Variants in ADGRL3 observed in about 807,000 individuals in gnomAD.
The protein encoded by ADGRL3 is adhesion G protein-coupled receptor L3.
ADGRL3 carries 62 observed loss-of-function variants against 153.5 expected under a neutral mutation model. The observed-to-expected ratio is 0.40, with a 90% CI of 0.33 to 0.50. The LOEUF is 0.50. Ranked by LOEUF, ADGRL3 falls within the 20% of genes least tolerant of loss-of-function variation. ADGRL3 has a pLI of 0.47. For synonymous variants in ADGRL3, 710 were observed against 672.5 expected (o/e 1.06, Z -0.86); for missense variants, 1,641 against 1,859.4 (o/e 0.88, Z 2.16).
chr4:61,431,088 A>G (rs2097350610), intron 2 of ADGRL3, among the ~76,000 whole-genome samples: 1 of 152,142 alleles, frequency 6.6e-6, no homozygotes, highest in Non-Finnish European at 1.5e-5. Flanking sequence ...GCTTCCTTTA[A>G]TTTTAAATTT....
chr4:61,772,026 G>A (rs545727586), intron 8 of ADGRL3, among the ~76,000 whole-genome samples: 11 of 152,272 alleles, frequency 7.2e-5, no homozygotes, highest in African/African-American at 2.4e-4. Flanking sequence ...ATGCAGGCCT[G>A]ACAGTCTGTG....
chr4:61,528,069 C>T (rs935903087), intron 4 of ADGRL3, among the ~76,000 whole-genome samples: 2 of 152,154 alleles, frequency 1.3e-5, no homozygotes, highest in Non-Finnish European at 2.9e-5. Context: ...GCTTGGTCCA[C>T]AATGCCGGCT....
chr4:61,756,803 T>A (rs2096837814), intron 8 of ADGRL3, among the ~76,000 whole-genome samples: 1 of 152,182 alleles, frequency 6.6e-6, no homozygotes, highest in African/African-American at 2.4e-5. Context: ...CATCAATACC[T>A]AATTTATTGA....
intron 8 of ADGRL3, among the ~76,000 whole-genome samples, chr4:61,763,706 G>T (rs2096939864): frequency 1.3e-5 from 2 of 151,974 alleles, no homozygotes; most frequent in African/African-American, 2.4e-5. Flanking sequence ...TTTCAGTATT[G>T]TATTCTATTT....
chr4:61,212,185 A>AC (rs1380998520), intron 1 of ADGRL3: 4 of 152,250 alleles, frequency 2.6e-5, no homozygotes, highest in African/African-American at 4.8e-5. Flanking sequence ...AAGAAAAAAA[A>AC]CTTATGGCAT....
At chr4:61,351,420 G>A (rs1370125657) in intron 1 of ADGRL3, among the ~76,000 whole-genome samples, 2 of 152,124 alleles carry the variant, frequency 1.3e-5, no homozygotes, top group African/African-American at 4.8e-5. Context: ...TGATGAAGGT[G>A]GCTACACAAA....
chr4:61,355,791 T>A (rs560125070), intron 1 of ADGRL3, among the ~76,000 whole-genome samples: 1 of 152,154 alleles, frequency 6.6e-6, no homozygotes, highest in African/African-American at 2.4e-5. Flanking sequence ...ATAAAAGAAA[T>A]GGCAGTTTTT....
rs1195078631 is a variant in ADGRL3, at chr4:61,431,843, CCTCT to C, written c.-174+48657_-174+48660del. On this transcript the variant is annotated intron_variant, in intron 2 of 26. Transcript: ENST00000683033. ...ACATGTAATAATAGTCATAATACTT[CCTCT>C]CTAAGTAACCTTAGATAAGTTAATG... Among the ~76,000 whole-genome samples, 16 of 152,272 alleles carry C rather than the reference CCTCT, an allele frequency of 1.1e-4. No homozygotes were observed. The East Asian group carries it at 2.5e-3, about 24-fold the overall frequency.
intron 7 of ADGRL3, among the ~76,000 whole-genome samples, chr4:61,731,488 G>T (rs1440887318): frequency 3.3e-5 from 5 of 152,004 alleles, no homozygotes; most frequent in Non-Finnish European, 7.4e-5. Context: ...ACAGTAGACT[G>T]CATGATTATT....
intron 8 of ADGRL3, among the ~76,000 whole-genome samples, chr4:61,812,479 A>T (rs1481877367): frequency 1.3e-5 from 2 of 152,212 alleles, no homozygotes; most frequent in African/African-American, 4.8e-5. Flanking sequence ...TGTATCATTA[A>T]CTTTCCTTGT....
At chr4:61,480,836 C>A (rs1040701873) in intron 2 of ADGRL3, among the ~76,000 whole-genome samples, 1 of 151,600 alleles carries the variant, frequency 6.6e-6, no homozygotes, top group Non-Finnish European at 1.5e-5. Context: ...GAGCAAAGGA[C>A]CTAAGTAGAT....
At chr4:61,800,268 A>G (rs1022035358) in intron 8 of ADGRL3, among the ~76,000 whole-genome samples, 35 of 152,226 alleles carry the variant, frequency 2.3e-4, no homozygotes, top group African/African-American at 8.4e-4. Flanking sequence ...ATATACAAAC[A>G]TAGCTATGAA....
In ADGRL3 at chr4:62,008,188, A is replaced by G. The variant is rs571679375; in HGVS notation, c.3395+9923A>G. Among the ~76,000 whole-genome samples the G allele has an allele frequency of 1.4e-4, 21 of 152,238 alleles. No homozygotes were observed. The South Asian group carries it at 3.3e-3, about 24-fold the overall frequency. On this transcript the variant is annotated intron_variant, in intron 21 of 26. Coordinates refer to ENST00000683033, the MANE Select transcript of ADGRL3 (RefSeq NM_001387552.1). ...AGTCTTTTGCTGTAAACAAGAGCTG[A>G]GAAATGTAGTAGTGGACAGAGATCT...
At chr4:61,476,857 G>A (rs932325303) in intron 2 of ADGRL3, among the ~76,000 whole-genome samples, 1 of 151,264 alleles carries the variant, frequency 6.6e-6, no homozygotes, top group Middle Eastern at 3.4e-3. Context: ...CTACAAACAT[G>A]AGCCATGGAG....
chr4:61,917,453 G>T (rs2098750032), intron 13 of ADGRL3, among the ~76,000 whole-genome samples: 1 of 152,072 alleles, frequency 6.6e-6, no homozygotes, highest in Admixed American at 6.6e-5. Context: ...ACTTTCAGAG[G>T]AGACTCTGAT....
At chr4:62,040,744 C>T (rs1192636373) in intron 24 of ADGRL3, among the ~76,000 whole-genome samples, 1 of 151,980 alleles carries the variant, frequency 6.6e-6, no homozygotes, top group African/African-American at 2.4e-5. Flanking sequence ...TAACAAACAA[C>T]CCAACAAAAA....
At chr4:61,384,222 T>C (rs2096708593) in intron 2 of ADGRL3, among the ~76,000 whole-genome samples, 1 of 151,804 alleles carries the variant, frequency 6.6e-6, no homozygotes, top group Non-Finnish European at 1.5e-5. Context: ...TTCTTTGTCA[T>C]TGTTTTCTTC....
chr4:61,242,283 G>C (rs1048804549), intron 1 of ADGRL3, among the ~76,000 whole-genome samples: 1 of 151,838 alleles, frequency 6.6e-6, no homozygotes, highest in Admixed American at 6.6e-5. Context: ...TGGTACATTC[G>C]TTGCCCTGCA....
At chr4:61,268,116 T>C (rs922363117) in intron 1 of ADGRL3, among the ~76,000 whole-genome samples, 5 of 151,772 alleles carry the variant, frequency 3.3e-5, no homozygotes, top group Admixed American at 2.6e-4. Flanking sequence ...TTCAAGTTCA[T>C]AACATTTATT....
Sources: gnomAD v4.1 joint callset for allele counts (sites outside exome capture counted in the v4.1 genomes callset) on GRCh38, gnomAD v4.1.1 for gene constraint, MANE v1.5 for transcripts, NCBI Gene and HGNC (gene_info 2026-07-23, HGNC 2026-07-21) for gene names.